SLC19A1: variants seen among roughly 807,000 people sequenced by gnomAD.
SLC19A1 encodes solute carrier family 19 member 1.
In SLC19A1, 37 loss-of-function variants were observed where a neutral mutation model predicts 35.3. That is an observed-to-expected ratio of 1.05 (90% CI 0.81 to 1.38). The LOEUF (loss-of-function observed/expected upper bound fraction) is 1.38. Among genes scored for constraint, SLC19A1 ranks in the 40% most tolerant of loss-of-function variants. SLC19A1 has a pLI of 0.00. For synonymous variants in SLC19A1, 460 were observed against 398.5 expected (o/e 1.15, Z -1.84); for missense variants, 831 against 826.9 (o/e 1.00, Z -0.06).
intron 5 of SLC19A1, among the ~76,000 whole-genome samples, chr21:45,520,581 T>C (rs2077407305): frequency 6.6e-6 from 1 of 152,218 alleles, no homozygotes; most frequent in Admixed American, 6.5e-5. Flanking sequence ...TGGAATGAAT[T>C]GTGAACCCAT....
intron 4 of SLC19A1, among the ~76,000 whole-genome samples, chr21:45,529,369 CA>C (rs920786692): frequency 2.0e-5 from 3 of 152,172 alleles, no homozygotes; most frequent in African/African-American, 7.2e-5. Context: ...GCATAAGGCC[CA>C]GGGGGATGAC....
intron 2 of SLC19A1, 52 bp downstream of exon 2, chr21:45,537,719 T>TGGGGGGGGGGCCC: frequency 6.3e-6 from 2 of 319,776 alleles, no homozygotes; most frequent in Non-Finnish European, 1.1e-5. Context: ...CAGACGCTGC[T>TGGGGGGGGGGCCC]CCCCGCCCAC....
chr21:45,505,523 C>G, intron 3 of SLC19A1: 2 of 757,726 alleles, frequency 2.6e-6, no homozygotes, highest in Non-Finnish European at 4.5e-6. Flanking sequence ...CCCACGGACC[C>G]CACAGGGAGA....
downstream of SLC19A1, chr21:45,512,381 A>ATGAC: frequency 6.2e-7 from 1 of 1,612,596 alleles, no homozygotes; most frequent in Non-Finnish European, 8.5e-7. Flanking sequence ...GAACAGCTTC[A>ATGAC]TGACTGCCTC....
At chr21:45,504,156 T>C (rs1017527129) in intron 3 of SLC19A1, 13 of 1,352,952 alleles carry the variant, frequency 9.6e-6, no homozygotes, top group Non-Finnish European at 1.4e-5. Context: ...GCCCCCTTCC[T>C]GTTCAGCCCT....
chr21:45,557,723 C>A (rs1246931452), intron 1 of SLC19A1, among the ~76,000 whole-genome samples: 6 of 152,122 alleles, frequency 3.9e-5, no homozygotes, highest in Non-Finnish European at 5.9e-5. Context: ...TCTCTTGGAC[C>A]GTGTCCTGCG....
intron 1 of SLC19A1, among the ~76,000 whole-genome samples, chr21:45,555,144 G>T: frequency 8.0e-6 from 1 of 124,552 alleles, no homozygotes; most frequent in African/African-American, 3.3e-5. Flanking sequence ...GACGCAGGGG[G>T]CGGTGCAGGG....
At chr21:45,542,928 GC>G (rs563224896), upstream of SLC19A1, among the ~76,000 whole-genome samples, 377 of 152,146 alleles carry the variant, frequency 2.5e-3, 1 homozygote, top group African/African-American at 8.0e-3. Flanking sequence ...CTCAGGGGTG[GC>G]CCTGGGCCGC....
intron 3 of SLC19A1, chr21:45,504,693 T>C (rs2037082647): frequency 4.0e-6 from 3 of 751,108 alleles, no homozygotes; most frequent in Non-Finnish European, 4.4e-6. Context: ...GACATGTCCC[T>C]GTCCCCGTGT....
At chr21:45,528,330 G>C (rs73372934) in intron 4 of SLC19A1, among the ~76,000 whole-genome samples, 3,872 of 152,224 alleles carry the variant, frequency 0.025, 172 homozygotes, top group African/African-American at 0.089. Context: ...GGGCGTGATG[G>C]GGGCACAGGT....
At chr21:45,504,174 G>C in intron 3 of SLC19A1, 2 of 1,217,832 alleles carry the variant, frequency 1.6e-6, no homozygotes, top group Non-Finnish European at 2.4e-6. Flanking sequence ...CCTGCGAGGG[G>C]CGCTGGCTCC....
chr21:45,533,671 A>G lies in SLC19A1; in HGVS notation c.190-1523T>C, dbSNP rs1382110939. Among the ~76,000 whole-genome samples, 1 of 151,742 alleles carries G rather than the reference A, an allele frequency of 6.6e-6. No homozygotes were observed. Among genetic ancestry groups the G allele is most frequent in the African/African-American group, 2.4e-5 (1 of 41,302 alleles). On this transcript the variant is annotated intron_variant, in intron 2 of 5. Coordinates refer to ENST00000311124, the MANE Select transcript of SLC19A1 (RefSeq NM_194255.4). The surrounding 1 kb of genome is among the most constrained non-coding windows in gnomAD (Gnocchi z 4.5). ...GCCTCCAGCAGGCCCCACCCGACTC[A>G]GGCCTGACCACCAGTAACCCCACAG...
intron 1 of SLC19A1, among the ~76,000 whole-genome samples, chr21:45,562,244 T>G (rs1287785363): frequency 6.6e-6 from 1 of 151,936 alleles, no homozygotes; most frequent in Non-Finnish European, 1.5e-5. Flanking sequence ...AAAATCTATG[T>G]TTGTGGAAAA....
At position 45,534,945 on chromosome 21, in the gene SLC19A1, T is replaced by C. The variant is rs2078058065; in HGVS notation, c.190-2797A>G. Among the ~76,000 whole-genome samples, 1 of 152,192 alleles carries C rather than the reference T, an allele frequency of 6.6e-6. No individual in the cohort carries two copies. The highest frequency in any genetic ancestry group is 6.5e-5 in the Admixed American group (1 of 15,288). On this transcript the variant is annotated intron_variant, in intron 2 of 5. Coordinates refer to ENST00000311124, the MANE Select transcript of SLC19A1 (RefSeq NM_194255.4). The surrounding 1 kb of genome is among the most constrained non-coding windows in gnomAD (Gnocchi z 4.2). ...TGGGGTCCAGGCTGAATGGGCAGAG[T>C]GCAGGCAGCTGCGCCCAAATCTACG...
At chr21:45,538,831 G>A (rs1434964599) in intron 1 of SLC19A1, among the ~76,000 whole-genome samples, 1 of 152,114 alleles carries the variant, frequency 6.6e-6, no homozygotes, top group Non-Finnish European at 1.5e-5. Context: ...CAGACCACAG[G>A]ACTTCATCCA....
In SLC19A1 at chr21:45,531,070, G is replaced by A. The variant is rs1386408006; in HGVS notation, c.950-99C>T. 54 of 667,340 alleles carry A rather than the reference G, an allele frequency of 8.1e-5. 1 individual carries two copies. In the East Asian group the frequency reaches 1.9e-3, roughly 23 times the overall value. The allele number at this position is 667,340 out of a possible 1,614,324, so 41.3% of individuals were successfully genotyped here. On this transcript the variant is annotated intron_variant, in intron 3 of 5. Transcript: ENST00000311124. ...GAGGAAAGGTATCCACGGGGCAGGG[G>A]GCGGGGACGGGGAGCCTCCGGGGAA... is the stretch of plus-strand genomic sequence containing the variant.
intron 3 of SLC19A1, chr21:45,505,889 C>T: frequency 1.2e-6 from 2 of 1,611,990 alleles, no homozygotes; most frequent in South Asian, 1.1e-5. Flanking sequence ...GCACGAGGTT[C>T]CCGAGGGCTG....
At chr21:45,511,302 GT>G (rs1347097646), downstream of SLC19A1, 2 of 766,246 alleles carry the variant, frequency 2.6e-6, no homozygotes, top group East Asian at 2.7e-5. Flanking sequence ...CCTATCTGCA[GT>G]TTCCCCCCGA....
chr21:45,504,951 C>T (rs2037102470), intron 3 of SLC19A1, among the ~76,000 whole-genome samples: 1 of 151,996 alleles, frequency 6.6e-6, no homozygotes, highest in Non-Finnish European at 1.5e-5. Flanking sequence ...CGGGATCGCA[C>T]CCCCAGGGAA....
Sources: gnomAD v4.1 joint callset for allele counts (sites outside exome capture counted in the v4.1 genomes callset) on GRCh38, gnomAD v4.1.1 for gene constraint, Gnocchi (gnomAD v3.1) non-coding constraint, MANE v1.5 for transcripts, NCBI Gene and HGNC (gene_info 2026-07-23, HGNC 2026-07-21) for gene names.